The following NALF1 variants were observed in gnomAD, a reference collection of about 807,000 sequenced individuals.
The protein encoded by NALF1 is family with sequence similarity 155 member A.
In NALF1, 3 loss-of-function variants were observed where a neutral mutation model predicts 48.4. That is an observed-to-expected ratio of 0.06 (90% confidence interval 0.03 to 0.16). The LOEUF (loss-of-function observed/expected upper bound fraction) is 0.16, where lower values mean the gene tolerates loss of function less well. Ranked by LOEUF, NALF1 falls within the 10% of genes least tolerant of loss-of-function variation. NALF1 has a pLI of 1.00. For missense variants in NALF1, 526 were observed against 571.5 expected, an observed-to-expected ratio of 0.92 and a Z score of 0.81; for synonymous variants, 262 against 245.7, an observed-to-expected ratio of 1.07 and a Z score of -0.62.
chr13:107,216,494 T>G (rs982853287), intron 1 of NALF1, among the ~76,000 whole-genome samples: 4 of 152,220 alleles, frequency 2.6e-5, no homozygotes, highest in Non-Finnish European at 4.4e-5. Context: ...AGCAGCGCTC[T>G]GAGCTTCTTG....
intron 1 of NALF1, among the ~76,000 whole-genome samples, chr13:107,694,422 T>C (rs1196512061): frequency 6.6e-6 from 1 of 152,182 alleles, no homozygotes; most frequent in Non-Finnish European, 1.5e-5. Context: ...TATATTACAT[T>C]GTTGAAGTCA....
Position 107,511,422 on chromosome 13 carries a change from G to T in NALF1, c.916-300667C>A, listed in dbSNP as rs986735005. Among the ~76,000 whole-genome samples, 4 of 152,110 alleles carry T rather than the reference G, an allele frequency of 2.6e-5. No homozygotes were observed. In the South Asian group the frequency reaches 8.3e-4, roughly 32 times the overall value. The stretch of plus-strand genomic sequence containing the variant: ...GGGGTTGGCAAGCAAAATCTATAGA[G>T]GAGGAGAAAACATATGCAAATGTGC... On this transcript the variant is annotated intron_variant, in intron 1 of 2. Coordinates refer to ENST00000375915, the MANE Select transcript of NALF1 (RefSeq NM_001080396.3).
intron 1 of NALF1, among the ~76,000 whole-genome samples, chr13:107,645,306 A>T (rs969513021): frequency 2.6e-5 from 4 of 152,120 alleles, no homozygotes; most frequent in Non-Finnish European, 5.9e-5. Context: ...TAGAAGTATC[A>T]AAGTGTTTTT....
At chr13:107,702,215 C>T (rs1465022283) in intron 1 of NALF1, among the ~76,000 whole-genome samples, 1 of 151,560 alleles carries the variant, frequency 6.6e-6, no homozygotes, top group Non-Finnish European at 1.5e-5. Context: ...GTGACATTAG[C>T]GAATTTATTA....
intron 1 of NALF1, among the ~76,000 whole-genome samples, chr13:107,442,902 C>T (rs1212682986): frequency 6.6e-6 from 1 of 151,904 alleles, no homozygotes; most frequent in African/African-American, 2.4e-5. Flanking sequence ...ACTCATATAA[C>T]GCAAGAGAAT....
At chr13:107,438,747 C>A (rs1031162048) in intron 1 of NALF1, among the ~76,000 whole-genome samples, 7 of 141,704 alleles carry the variant, frequency 4.9e-5, no homozygotes, top group Non-Finnish European at 9.1e-5. Flanking sequence ...ATGGTGTGAA[C>A]CCAGGAGGCG....
At chr13:107,526,661 A>G (rs1035772966) in intron 1 of NALF1, among the ~76,000 whole-genome samples, 1 of 152,162 alleles carries the variant, frequency 6.6e-6, no homozygotes, top group Non-Finnish European at 1.5e-5. Context: ...AATATAATTG[A>G]TATGATTTAA....
chr13:107,602,831 C>T (rs1878966473), intron 1 of NALF1, among the ~76,000 whole-genome samples: 1 of 152,160 alleles, frequency 6.6e-6, no homozygotes, highest in Admixed American at 6.5e-5. Flanking sequence ...TAAACAAAGA[C>T]ACAGAATTCT....
At chr13:107,327,859 G>C (rs988837381) in intron 1 of NALF1, among the ~76,000 whole-genome samples, 2 of 152,028 alleles carry the variant, frequency 1.3e-5, no homozygotes, top group African/African-American at 4.8e-5. Flanking sequence ...CCTCTTTATA[G>C]AGTGGTACTC....
chr13:107,792,063 A>G (rs1212894132), intron 1 of NALF1, among the ~76,000 whole-genome samples: 6 of 152,204 alleles, frequency 3.9e-5, no homozygotes, highest in East Asian at 1.9e-4. Context: ...AATGAAACAC[A>G]TAAGTGGAAT....
chr13:107,803,354 T>C (rs1009107826), intron 1 of NALF1, among the ~76,000 whole-genome samples: 2 of 152,168 alleles, frequency 1.3e-5, no homozygotes, highest in Non-Finnish European at 2.9e-5. Flanking sequence ...AGGATTCTAG[T>C]TGGTTTCTAG....
At position 107,780,319 on chromosome 13, in the gene NALF1, TCA is replaced by T. The variant is rs1401566342; in HGVS notation, c.915+85361_915+85362del. 5.3e-5 allele frequency among the ~76,000 whole-genome samples: 8 copies of T among 152,096 alleles called. No individual in the cohort carries two copies. The South Asian group carries it at 6.2e-4, about 12-fold the overall frequency. ...CCTTTTACTCAGGTTCTCCACTTTT[TCA>T]CAGTTTTTGCTTGCGTTCAACACTG... On this transcript the variant is annotated intron_variant, in intron 1 of 2. Transcript: ENST00000375915.
In NALF1 at chr13:107,821,400, C is replaced by T. The variant is rs1019792084; in HGVS notation, c.915+44282G>A. ...CTACTGTAATGTCATGCTGAGATGA[C>T]GCACCCTTTGAGATGACGCGTGAGG... On this transcript the variant is annotated intron_variant, in intron 1 of 2. Transcript: ENST00000375915. Among the ~76,000 whole-genome samples the T allele has an allele frequency of 2.6e-5, 4 of 152,222 alleles. No individual in the cohort carries two copies. The East Asian group carries it at 5.8e-4, about 22-fold the overall frequency.
At chr13:107,625,830 T>A (rs1879656840) in intron 1 of NALF1, among the ~76,000 whole-genome samples, 1 of 152,112 alleles carries the variant, frequency 6.6e-6, no homozygotes, top group Non-Finnish European at 1.5e-5. Context: ...ATAACTGTTT[T>A]GACTGATTAT....
intron 1 of NALF1, among the ~76,000 whole-genome samples, chr13:107,266,938 T>A (rs1177102417): frequency 3.3e-5 from 5 of 152,180 alleles, no homozygotes; most frequent in African/African-American, 1.2e-4. Flanking sequence ...GCCTGGCTTG[T>A]AGTGTCTCTA....
Position 107,458,177 on chromosome 13 carries a change from T to G in NALF1, c.916-247422A>C, listed in dbSNP as rs191515178. Among the ~76,000 whole-genome samples the G allele has an allele frequency of 2.0e-4, 30 of 152,292 alleles. 1 individual carries two copies. The East Asian group carries it at 5.6e-3, about 28-fold the overall frequency. ...ATTAGAAAATAAAGAAACAGTATATTCTATGTCAGAAAAAAACAGCATTGA... is the reference window on the plus strand; with the variant it reads ...ATTAGAAAATAAAGAAACAGTATATGCTATGTCAGAAAAAAACAGCATTGA... On this transcript the variant is annotated intron_variant, in intron 1 of 2. Coordinates refer to ENST00000375915, the MANE Select transcript of NALF1 (RefSeq NM_001080396.3).
At chr13:107,562,494 G>A (rs761223019) in intron 1 of NALF1, among the ~76,000 whole-genome samples, 42 of 152,266 alleles carry the variant, frequency 2.8e-4, no homozygotes, top group Admixed American at 3.3e-4. Context: ...CAGATCAGTC[G>A]CAGCACAGGG....
At chr13:107,284,673 G>T (rs934651125) in intron 1 of NALF1, among the ~76,000 whole-genome samples, 3 of 152,186 alleles carry the variant, frequency 2.0e-5, no homozygotes, top group Non-Finnish European at 4.4e-5. Context: ...CGGTCATAAA[G>T]GTGGGCCTCC....
At position 107,388,638 on chromosome 13, in the gene NALF1, G is replaced by A. The variant is rs570308534; in HGVS notation, c.916-177883C>T. Among the ~76,000 whole-genome samples the A allele has an allele frequency of 3.3e-5, 5 of 152,246 alleles. No individual in the cohort carries two copies. The South Asian group carries it at 1.0e-3, about 32-fold the overall frequency. On this transcript the variant is annotated intron_variant, in intron 1 of 2. Transcript: ENST00000375915. ...ATTTCCCTAGATAGAGACACTGCAG[G>A]TTTTCCAATGAATGTTCTTTAAGCA...
Sources: allele counts gnomAD v4.1 joint callset (sites outside exome capture counted in the v4.1 genomes callset), GRCh38; gene constraint gnomAD v4.1.1; transcripts MANE v1.5; gene names NCBI Gene and HGNC (gene_info 2026-07-23, HGNC 2026-07-21).